Variants in DGKG observed in about 807,000 individuals in gnomAD.
The protein encoded by DGKG is diacylglycerol kinase gamma, also known as DAG kinase gamma.
DGKG carries 78 observed loss-of-function variants against 105.3 expected under a neutral mutation model. The ratio of observed to expected loss-of-function variants is 0.74; its 90% CI spans 0.62 to 0.89. DGKG has a LOEUF of 0.89. DGKG is among the 40% of genes least tolerant of loss of function. The pLI is 0.00. For missense variants in DGKG, 958 were observed against 1,020.1 expected (o/e 0.94, Z 0.83); for synonymous variants, 346 against 367.1 (o/e 0.94, Z 0.66).
intron 1 of DGKG, among the ~76,000 whole-genome samples, chr3:186,356,937 C>A (rs947210298): frequency 6.6e-6 from 1 of 152,138 alleles, no homozygotes; most frequent in Non-Finnish European, 1.5e-5. Flanking sequence ...CAGCATCCAC[C>A]AACTCCCATC....
chr3:186,279,739 G>C, intron 9 of DGKG, 112 bp downstream of exon 9: 1 of 1,280,410 alleles, frequency 7.8e-7, no homozygotes, highest in Non-Finnish European at 1.1e-6. Context: ...GCTGGTCATG[G>C]CACGTCTGTT....
chr3:186,272,467 A>G (rs990461047), intron 10 of DGKG, 124 bp from the exon 11 acceptor site: 2 of 697,706 alleles, frequency 2.9e-6, no homozygotes, highest in African/African-American at 3.6e-5. Flanking sequence ...CAGGGGACAC[A>G]TGGGGCTGGT....
Position 186,147,936 on chromosome 3 carries a change from C to T in DGKG, c.*2154G>A. The T allele has an allele frequency of 1.0e-6, 1 of 985,444 alleles. No homozygotes were observed. Among genetic ancestry groups the T allele is most frequent in the Non-Finnish European group, 1.2e-6 (1 of 829,942 alleles). 61.0% of individuals were successfully genotyped at this position (985,444 alleles called of 1,614,324 possible). On this transcript the variant is annotated 3_prime_UTR_variant, in exon 25 of 25. Transcript: ENST00000265022. ...TTCAGGTGGCCTGGTTTTCCCCTTA[C>T]TTAGCATTCTGCACTGTTAGGTTGA...
chr3:186,356,452 G>A (rs1425333033), intron 1 of DGKG, among the ~76,000 whole-genome samples: 1 of 152,142 alleles, frequency 6.6e-6, no homozygotes, highest in Non-Finnish European at 1.5e-5. Flanking sequence ...CGAGCAGGTG[G>A]GCAATGCAGT....
chr3:186,353,233 T>C (rs1362005341), intron 1 of DGKG, among the ~76,000 whole-genome samples: 1 of 152,084 alleles, frequency 6.6e-6, no homozygotes, highest in African/African-American at 2.4e-5. Flanking sequence ...CATCTAAAGA[T>C]TGACTCTGGC....
intron 14 of DGKG, 175 bp from the exon 15 acceptor site, chr3:186,261,953 TTGAA>T: frequency 1.8e-6 from 1 of 542,712 alleles, no homozygotes; most frequent in Non-Finnish European, 3.3e-6. Context: ...TGTCTCCAGT[TTGAA>T]TGGCCTTTAA....
chr3:186,147,965 G>A lies in DGKG; in HGVS notation c.*2125C>T. The A allele has an allele frequency of 2.0e-5, 20 of 985,450 alleles. No individual in the cohort carries two copies. The highest frequency in any genetic ancestry group is 2.3e-5 in the Non-Finnish European group (19 of 829,942). 61.0% of individuals were successfully genotyped at this position (985,450 alleles called of 1,614,324 possible). On this transcript the variant is annotated 3_prime_UTR_variant, in exon 25 of 25. Coordinates refer to ENST00000265022, the MANE Select transcript of DGKG (RefSeq NM_001346.3). ...GCATTCTGCACTGTTAGGTTGAGCA[G>A]AATGGTCCAAGATCTTGCTCCTAGG... is the stretch of plus-strand genomic sequence containing the variant.
chr3:186,211,756 C>G, intron 21 of DGKG, 39 bp downstream of exon 21: 1 of 1,487,928 alleles, frequency 6.7e-7, no homozygotes, highest in Non-Finnish European at 9.4e-7. Context: ...AGGAGCAGAA[C>G]CAAGATCCAG....
chr3:186,213,414 A>G (rs1393949130), intron 20 of DGKG, among the ~76,000 whole-genome samples: 1 of 152,236 alleles, frequency 6.6e-6, no homozygotes, highest in Admixed American at 6.5e-5. Context: ...TTTTCTATGC[A>G]TGCCATGATG....
At chr3:186,244,069 G>A (rs905373197) in intron 19 of DGKG, among the ~76,000 whole-genome samples, 2 of 151,678 alleles carry the variant, frequency 1.3e-5, no homozygotes, top group Non-Finnish European at 2.9e-5. Flanking sequence ...GCTAATTTTT[G>A]TATTTTTAGT....
At chr3:186,304,643 A>T (rs1724138334) in intron 3 of DGKG, among the ~76,000 whole-genome samples, 1 of 152,220 alleles carries the variant, frequency 6.6e-6, no homozygotes, top group Non-Finnish European at 1.5e-5. Context: ...GGGAAAGGGG[A>T]TGGAAGAGGG....
intron 9 of DGKG, among the ~76,000 whole-genome samples, chr3:186,277,401 C>T (rs1175226534): frequency 6.6e-6 from 1 of 152,200 alleles, no homozygotes; most frequent in Non-Finnish European, 1.5e-5. Flanking sequence ...CTAGCCCAAG[C>T]CCACATAGAT....
rs552874025 is a variant in DGKG at position 186,271,684 on chromosome 3, A to T, written c.999+571T>A. Reference sequence around the variant, plus strand: ...CCTCATAAGACCTGCTTCAGGCCAGATCTCACCACTTTCTGAGTGCATCTC... The same window carrying T: ...CCTCATAAGACCTGCTTCAGGCCAGTTCTCACCACTTTCTGAGTGCATCTC... On this transcript the variant is annotated intron_variant, in intron 11 of 24. Coordinates refer to ENST00000265022, the MANE Select transcript of DGKG (RefSeq NM_001346.3). 1.4e-4 allele frequency among the ~76,000 whole-genome samples: 22 copies of T among 152,286 alleles called. 1 individual carries two copies. Among genetic ancestry groups the T allele is most frequent in the African/African-American group, 4.8e-4 (20 of 41,560 alleles).
intron 1 of DGKG, among the ~76,000 whole-genome samples, chr3:186,349,184 G>T (rs551476783): frequency 6.6e-6 from 1 of 151,992 alleles, no homozygotes; most frequent in East Asian, 1.9e-4. Flanking sequence ...CAATCCTCCT[G>T]CCTCAGCTAC....
In DGKG at chr3:186,171,380, A is replaced by G. The variant is rs143464661; in HGVS notation, c.2096-6362T>C. ...AATCAATAATAATAATAATAACTATAGTTGTCTGCAGTTATCAATGGGGGA... is the reference window on the plus strand; with the variant it reads ...AATCAATAATAATAATAATAACTATGGTTGTCTGCAGTTATCAATGGGGGA... On this transcript the variant is annotated intron_variant, in intron 22 of 24. Transcript: ENST00000265022. Among the ~76,000 whole-genome samples, 171 of 152,358 alleles carry G rather than the reference A, an allele frequency of 1.1e-3. 1 individual carries two copies. The highest frequency in any genetic ancestry group is 3.4e-3 in the Middle Eastern group (1 of 294).
intron 20 of DGKG, among the ~76,000 whole-genome samples, chr3:186,237,626 C>T (rs572645287): frequency 6.6e-6 from 1 of 152,264 alleles, no homozygotes; most frequent in African/African-American, 2.4e-5. Flanking sequence ...TTATTGTGAG[C>T]AATGAGTGGG....
chr3:186,174,822 G>A (rs1001922386), intron 22 of DGKG, among the ~76,000 whole-genome samples: 1 of 152,070 alleles, frequency 6.6e-6, no homozygotes, highest in South Asian at 2.1e-4. Context: ...TGGGTACCCC[G>A]CTCCTTTGTG....
chr3:186,328,308 C>T (rs536204229), intron 1 of DGKG, among the ~76,000 whole-genome samples: 1 of 152,246 alleles, frequency 6.6e-6, no homozygotes, highest in South Asian at 2.1e-4. Context: ...GGACAGACAC[C>T]CAAACAGCTA....
Position 186,207,523 on chromosome 3 carries a change from A to C in DGKG, c.1917+4272T>G, listed in dbSNP as rs995067375. On this transcript the variant is annotated intron_variant, in intron 21 of 24. Transcript: ENST00000265022. ...CCATGAGGCACTTAGCACCACTGCCAGTTACATAAAAAAACAAAAACAAAA... is the reference window on the plus strand; with the variant it reads ...CCATGAGGCACTTAGCACCACTGCCCGTTACATAAAAAAACAAAAACAAAA... 7 of 984,908 alleles carry C rather than the reference A, an allele frequency of 7.1e-6. No individual in the cohort carries two copies. The African/African-American group carries it at 1.2e-4, about 17-fold the overall frequency. 61.0% of individuals were successfully genotyped at this position (984,908 alleles called of 1,614,324 possible). A position where few individuals can be genotyped will look rare whatever the true frequency, so the allele number is the denominator to read the frequency against.
Sources: gnomAD v4.1 joint callset for allele counts (sites outside exome capture counted in the v4.1 genomes callset) on GRCh38, gnomAD v4.1.1 for gene constraint, MANE v1.5 for transcripts, NCBI Gene and HGNC (gene_info 2026-07-23, HGNC 2026-07-21) for gene names.